Variants in ROBO1 observed in about 807,000 individuals in gnomAD.
ROBO1 encodes the protein roundabout guidance receptor 1.
Under a neutral mutation model 195.9 loss-of-function variants are expected in ROBO1, and 149 were observed. That is an observed-to-expected ratio of 0.76 (90% CI 0.67 to 0.87). The LOEUF is 0.87. Among genes scored for constraint, ROBO1 ranks in the 40% least tolerant of loss-of-function variants. ROBO1 has a pLI of 0.00. For synonymous variants in ROBO1, 816 were observed against 733.2 expected, an observed-to-expected ratio of 1.11 and a Z score of -1.82; for missense variants, 1,933 against 2,068.3, an observed-to-expected ratio of 0.93 and a Z score of 1.27.
chr3:79,750,514 T>C (rs542542238), intron 1 of ROBO1, among the ~76,000 whole-genome samples: 1 of 152,250 alleles, frequency 6.6e-6, no homozygotes, highest in South Asian at 2.1e-4. Flanking sequence ...TCAACATGAA[T>C]TGTAACTCCC....
intron 28 of ROBO1, among the ~76,000 whole-genome samples, chr3:78,608,859 A>C (rs1398070696): frequency 6.6e-6 from 1 of 152,146 alleles, no homozygotes; most frequent in Non-Finnish European, 1.5e-5. Context: ...GGTGAATGAA[A>C]AGAACATCAC....
chr3:79,337,593 A>G (rs1465530526), intron 2 of ROBO1, among the ~76,000 whole-genome samples: 1 of 152,200 alleles, frequency 6.6e-6, no homozygotes, highest in Non-Finnish European at 1.5e-5. Flanking sequence ...ATTACCCAGT[A>G]TTGGGCAGTT....
rs571203340 is a variant in ROBO1, at chr3:78,866,148, A to G, written c.499+72453T>C. Among the ~76,000 whole-genome samples, 4 of 152,354 alleles carry G rather than the reference A, an allele frequency of 2.6e-5. No homozygotes were observed. In the East Asian group the frequency reaches 5.8e-4, roughly 22 times the overall value. ...TTGTATTTTATATGAATATTTGTAT[A>G]CTTGTAATTGTCAGTCTGCTTATAA... is the stretch of plus-strand genomic sequence containing the variant. On this transcript the variant is annotated intron_variant, in intron 4 of 30. Coordinates refer to ENST00000464233, the MANE Select transcript of ROBO1 (RefSeq NM_002941.4).
intron 4 of ROBO1, among the ~76,000 whole-genome samples, chr3:78,788,200 C>T (rs2083902266): frequency 6.6e-6 from 1 of 151,420 alleles, no homozygotes; most frequent in Non-Finnish European, 1.5e-5. Flanking sequence ...ACTGCAAGCT[C>T]CGCCTCCTGG....
chr3:78,835,317 A>G (rs557619151), intron 4 of ROBO1, among the ~76,000 whole-genome samples: 1 of 152,336 alleles, frequency 6.6e-6, no homozygotes, highest in Admixed American at 6.5e-5. Flanking sequence ...TTATCCCAAG[A>G]AAACACCAAG....
chr3:79,110,621 C>CTTTT (rs397877079), intron 3 of ROBO1, among the ~76,000 whole-genome samples: 2 of 127,886 alleles, frequency 1.6e-5, no homozygotes, highest in African/African-American at 6.0e-5. Flanking sequence ...AGGGAAATAA[C>CTTTT]TTTTTTTTTT....
At chr3:78,944,982 C>G (rs1351649926) in intron 3 of ROBO1, among the ~76,000 whole-genome samples, 2 of 152,154 alleles carry the variant, frequency 1.3e-5, no homozygotes, top group African/African-American at 4.8e-5. Context: ...CCCGCCATTG[C>G]CGAGTTAGTT....
chr3:78,956,523 T>G (rs2041058190), intron 3 of ROBO1, among the ~76,000 whole-genome samples: 1 of 152,162 alleles, frequency 6.6e-6, no homozygotes, highest in African/African-American at 2.4e-5. Flanking sequence ...TAACCATAAC[T>G]GAAATATTTC....
intron 4 of ROBO1, among the ~76,000 whole-genome samples, chr3:78,805,330 CCTT>C (rs1189653253): frequency 4.6e-5 from 7 of 152,106 alleles, no homozygotes; most frequent in African/African-American, 1.2e-4. Flanking sequence ...TAATTTCCCT[CCTT>C]CTTTTGTTTC....
In ROBO1 at chr3:78,903,087, C is replaced by A. The variant is rs2037682330; in HGVS notation, c.499+35514G>T. ...GGCAACCACAATTTAATAGGGCAAACAGAAACACAATTCTCTTCAAATATT... is the reference window on the plus strand; with the variant it reads ...GGCAACCACAATTTAATAGGGCAAAAAGAAACACAATTCTCTTCAAATATT... On this transcript the variant is annotated intron_variant, in intron 4 of 30. Coordinates refer to ENST00000464233, the MANE Select transcript of ROBO1 (RefSeq NM_002941.4). Among the ~76,000 whole-genome samples, 3 of 152,080 alleles carry A rather than the reference C, an allele frequency of 2.0e-5. No individual in the cohort carries two copies. The South Asian group carries it at 6.2e-4, about 31-fold the overall frequency.
intron 4 of ROBO1, among the ~76,000 whole-genome samples, chr3:78,925,662 G>A (rs2039170821): frequency 6.6e-6 from 1 of 152,082 alleles, no homozygotes. Flanking sequence ...CCTGTGCCAG[G>A]TACTACAAGG....
In ROBO1 at chr3:79,210,144, C is replaced by T. The variant is rs141190962; in HGVS notation, c.89-84605G>A. ...GCAATTCCCATCAAAATACCATCAT[C>T]GTTCTTCACAGGATTGGAAAAAAAT... On this transcript the variant is annotated intron_variant, in intron 2 of 30. Coordinates refer to ENST00000464233, the MANE Select transcript of ROBO1 (RefSeq NM_002941.4). 7.2e-5 allele frequency among the ~76,000 whole-genome samples: 11 copies of T among 152,232 alleles called. 1 individual carries two copies. The highest frequency in any genetic ancestry group is 3.4e-3 in the Middle Eastern group (1 of 294).
rs144375083 is a variant in ROBO1, at chr3:79,153,664, G to A, written c.89-28125C>T. ...CAGCTCCTCCTCTGCAAATATACTC[G>A]TCTGCTTAATAGTACTGTGATTTAT... On this transcript the variant is annotated intron_variant, in intron 2 of 30. Coordinates refer to ENST00000464233, the MANE Select transcript of ROBO1 (RefSeq NM_002941.4). Among the ~76,000 whole-genome samples, 32 of 149,434 alleles carry A rather than the reference G, an allele frequency of 2.1e-4. No individual in the cohort carries two copies. The East Asian group carries it at 3.9e-3, about 18-fold the overall frequency.
chr3:79,300,584 C>T (rs1399205377), intron 2 of ROBO1, among the ~76,000 whole-genome samples: 2 of 152,210 alleles, frequency 1.3e-5, no homozygotes, highest in African/African-American at 4.8e-5. Context: ...CCATCGACCA[C>T]CCAAGGGCTG....
intron 2 of ROBO1, among the ~76,000 whole-genome samples, chr3:79,502,553 C>G (rs886487059): frequency 1.4e-4 from 22 of 152,192 alleles, no homozygotes; most frequent in Non-Finnish European, 1.3e-4. Context: ...CGAGCGCCAT[C>G]CCCTGCTCCA....
At chr3:79,455,945 C>A (rs1050963627) in intron 2 of ROBO1, among the ~76,000 whole-genome samples, 5 of 152,086 alleles carry the variant, frequency 3.3e-5, no homozygotes, top group Admixed American at 1.3e-4. Context: ...ACCCGAGTAG[C>A]TCTACATTTA....
chr3:79,216,599 T>C (rs2082059662), intron 2 of ROBO1, among the ~76,000 whole-genome samples: 1 of 151,948 alleles, frequency 6.6e-6, no homozygotes, highest in Non-Finnish European at 1.5e-5. Flanking sequence ...TAATATTTTA[T>C]AGAATCTGTT....
At chr3:78,661,293 C>A in intron 15 of ROBO1, 32 bp from the exon 16 acceptor site, 1 of 1,277,104 alleles carries the variant, frequency 7.8e-7, no homozygotes, top group Non-Finnish European at 1.1e-6. Context: ...TGTAATTATT[C>A]ATATTATTGT....
At chr3:78,612,520 C>T (rs1703879621) in intron 28 of ROBO1, among the ~76,000 whole-genome samples, 2 of 152,176 alleles carry the variant, frequency 1.3e-5, no homozygotes, top group Admixed American at 1.3e-4. Flanking sequence ...TAACCACTGC[C>T]ATCCAGCGTG....
Sources: gnomAD v4.1 joint callset for allele counts (sites outside exome capture counted in the v4.1 genomes callset) on GRCh38, gnomAD v4.1.1 for gene constraint, MANE v1.5 for transcripts, NCBI Gene and HGNC (gene_info 2026-07-23, HGNC 2026-07-21) for gene names.